CCDC91: variants seen among roughly 807,000 people sequenced by gnomAD.
CCDC91 encodes the protein coiled-coil domain containing 91.
CCDC91 carries 48 observed loss-of-function variants against 63.2 expected under a neutral mutation model. That is an observed-to-expected ratio of 0.76 (90% CI 0.60 to 0.97). The LOEUF (loss-of-function observed/expected upper bound fraction) is 0.97, where lower values mean the gene tolerates loss of function less well. Ranked by LOEUF, CCDC91 falls within the 50% of genes least tolerant of loss-of-function variation. The pLI is 0.00. For missense variants in CCDC91, 500 were observed against 494.6 expected (o/e 1.01, Z -0.10); for synonymous variants, 167 against 165.8 (o/e 1.01, Z -0.06).
At chr12:28,417,706 C>T (rs543539341) in intron 8 of CCDC91, among the ~76,000 whole-genome samples, 65 of 151,816 alleles carry the variant, frequency 4.3e-4, no homozygotes, top group African/African-American at 1.6e-3. Flanking sequence ...GTATCCATCA[C>T]ATCACAATGT....
chr12:28,395,247 T>C (rs1252364692), intron 8 of CCDC91, among the ~76,000 whole-genome samples: 1 of 151,936 alleles, frequency 6.6e-6, no homozygotes, highest in Non-Finnish European at 1.5e-5. Flanking sequence ...TGTGTGGGAG[T>C]TTTCTGCATC....
intron 8 of CCDC91, among the ~76,000 whole-genome samples, chr12:28,408,145 C>T (rs1947084830): frequency 6.6e-6 from 1 of 151,860 alleles, no homozygotes; most frequent in Non-Finnish European, 1.5e-5. Context: ...GTCCCCCAAC[C>T]CCCAGTAGGC....
At chr12:28,504,672 T>C (rs1268196155) in intron 12 of CCDC91, among the ~76,000 whole-genome samples, 1 of 151,970 alleles carries the variant, frequency 6.6e-6, no homozygotes, top group African/African-American at 2.4e-5. Flanking sequence ...CTTTTACTCT[T>C]ACACTTCAAA....
intron 7 of CCDC91, among the ~76,000 whole-genome samples, chr12:28,390,938 CTTT>C (rs200273851): frequency 1.5e-5 from 2 of 137,008 alleles, no homozygotes; most frequent in Non-Finnish European, 1.6e-5. Context: ...CTTTTTCTTT[CTTT>C]TTTTTTTTTT....
intron 6 of CCDC91, among the ~76,000 whole-genome samples, chr12:28,319,950 A>C (rs1940310586): frequency 6.6e-6 from 1 of 151,858 alleles, no homozygotes; most frequent in African/African-American, 2.4e-5. Flanking sequence ...ACTTGGCCAT[A>C]CAATTTTTAC....
chr12:28,507,519 C>CCAAGGGG, intron 12 of CCDC91, among the ~76,000 whole-genome samples: 2 of 152,072 alleles, frequency 1.3e-5, no homozygotes, highest in East Asian at 3.9e-4. Context: ...AGATATTTGT[C>CCAAGGGG]CAAGGGATTT....
intron 11 of CCDC91, among the ~76,000 whole-genome samples, chr12:28,472,966 T>C (rs1354826578): frequency 6.6e-6 from 1 of 152,200 alleles, no homozygotes; most frequent in Non-Finnish European, 1.5e-5. Context: ...AAGCTGTTGT[T>C]GCACAGGAAG....
At chr12:28,343,061 A>T (rs554126191) in intron 6 of CCDC91, among the ~76,000 whole-genome samples, 1 of 151,946 alleles carries the variant, frequency 6.6e-6, no homozygotes, top group African/African-American at 2.4e-5. Context: ...AGTCAGGGAT[A>T]TGTTTGGTGG....
chr12:28,537,358 A>C (rs978698796), intron 12 of CCDC91, among the ~76,000 whole-genome samples: 1 of 152,084 alleles, frequency 6.6e-6, no homozygotes, highest in Non-Finnish European at 1.5e-5. Context: ...ATTATAGGAA[A>C]TTCTATTCCA....
chr12:28,422,488 T>C (rs1190092033), intron 8 of CCDC91, among the ~76,000 whole-genome samples: 1 of 152,106 alleles, frequency 6.6e-6, no homozygotes, highest in African/African-American at 2.4e-5. Context: ...ACCATCAGGA[T>C]CACTTGAGTC....
intron 8 of CCDC91, among the ~76,000 whole-genome samples, chr12:28,439,963 A>G (rs1380032410): frequency 1.3e-5 from 2 of 151,218 alleles, no homozygotes; most frequent in Non-Finnish European, 1.5e-5. Flanking sequence ...TTATTTCTTC[A>G]ATTTGCTAAA....
chr12:28,353,664 A>G (rs1592399725), intron 6 of CCDC91, among the ~76,000 whole-genome samples: 1 of 152,162 alleles, frequency 6.6e-6, no homozygotes, highest in Non-Finnish European at 1.5e-5. Context: ...AACACATACA[A>G]CATTTATTAA....
At chr12:28,365,554 T>C (rs1944218882) in intron 7 of CCDC91, among the ~76,000 whole-genome samples, 1 of 152,224 alleles carries the variant, frequency 6.6e-6, no homozygotes, top group Admixed American at 6.5e-5. Context: ...TATCTCTAGT[T>C]ACTATTGTTA....
chr12:28,287,918 C>T (rs959324973), intron 3 of CCDC91, among the ~76,000 whole-genome samples: 1 of 152,040 alleles, frequency 6.6e-6, no homozygotes, highest in Non-Finnish European at 1.5e-5. Context: ...GGTCTTTCAC[C>T]TCCTTGGTTA....
chr12:28,537,226 GA>G (rs1942247711), intron 12 of CCDC91, among the ~76,000 whole-genome samples: 2 of 151,916 alleles, frequency 1.3e-5, no homozygotes, highest in East Asian at 1.9e-4. Flanking sequence ...GAGAAAGGGG[GA>G]AAAAAAGGAG....
chr12:28,458,454 C>CTTTTTTTTTTTTT (rs1566005675), intron 11 of CCDC91, among the ~76,000 whole-genome samples: 1 of 71,482 alleles, frequency 1.4e-5, no homozygotes, highest in African/African-American at 8.1e-5. Context: ...CATTTGCACA[C>CTTTTTTTTTTTTT]CTTTTTTTTT....
At chr12:28,386,129 G>A (rs1443677658) in intron 7 of CCDC91, among the ~76,000 whole-genome samples, 1 of 152,066 alleles carries the variant, frequency 6.6e-6, no homozygotes. Flanking sequence ...AAATGGACTT[G>A]GTAACAATTT....
At chr12:28,307,085 A>G in intron 5 of CCDC91, 140 bp downstream of exon 5, 6 of 589,910 alleles carry the variant, frequency 1.0e-5, no homozygotes, top group Admixed American at 3.2e-5. Context: ...TCATGAGCTT[A>G]TCACTTAGAA....
intron 1 of CCDC91, among the ~76,000 whole-genome samples, chr12:28,242,241 A>G (rs1945394736): frequency 6.6e-6 from 1 of 152,128 alleles, no homozygotes; most frequent in Non-Finnish European, 1.5e-5. Context: ...CCCTGTGGAC[A>G]GCCTAAGTGT....
Sources: gnomAD v4.1 joint callset for allele counts (sites outside exome capture counted in the v4.1 genomes callset) on GRCh38, gnomAD v4.1.1 for gene constraint, MANE v1.5 for transcripts, NCBI Gene and HGNC (gene_info 2026-07-23, HGNC 2026-07-21) for gene names.